SNRNP70: variants seen among roughly 807,000 people sequenced by gnomAD.
The protein encoded by SNRNP70 is U1 small nuclear ribonucleoprotein 70 kDa.
Under a neutral mutation model 50.5 loss-of-function variants are expected in SNRNP70, and 8 were observed. That is an observed-to-expected ratio of 0.16 (90% CI 0.09 to 0.29). SNRNP70 has a LOEUF of 0.29. Ranked by LOEUF, SNRNP70 falls within the 10% of genes least tolerant of loss-of-function variation. The pLI, the probability that SNRNP70 is intolerant of heterozygous loss-of-function variation, is 1.00. For synonymous variants in SNRNP70, 320 were observed against 252.9 expected, an observed-to-expected ratio of 1.27 and a Z score of -2.52; for missense variants, 529 against 663.5, an observed-to-expected ratio of 0.80 and a Z score of 2.23.
chr19:49,105,364 T>C (rs1302307043), intron 8 of SNRNP70, among the ~76,000 whole-genome samples: 1 of 152,094 alleles, frequency 6.6e-6, no homozygotes, highest in African/African-American at 2.4e-5. Flanking sequence ...TGTAGAATCA[T>C]GGGCATCCTT....
At position 49,098,418 on chromosome 19, in the gene SNRNP70, C is replaced by G; in HGVS notation, c.266-9C>G. ...CTTCAACTTATAAAATTCCTTTCTT[C>G]CTGCACAGGGGACCCTCACAATGAT... On this transcript the variant is annotated splice_polypyrimidine_tract_variant and intron_variant, in intron 4 of 9. Coordinates refer to ENST00000598441, the MANE Select transcript of SNRNP70 (RefSeq NM_003089.6). 6.2e-7 allele frequency: 1 copy of G among 1,608,470 alleles called. No individual in the cohort carries two copies. Among genetic ancestry groups the G allele is most frequent in the Non-Finnish European group, 8.5e-7 (1 of 1,177,138 alleles).
chr19:49,105,771 T>C (rs1385459051), intron 8 of SNRNP70, among the ~76,000 whole-genome samples: 4 of 150,986 alleles, frequency 2.6e-5, no homozygotes, highest in African/African-American at 9.7e-5. Context: ...GCGACCCACC[T>C]GTGATGTGTG....
In SNRNP70 at chr19:49,107,732, G is replaced by A; in HGVS notation, c.665+20G>A. On this transcript the variant is annotated intron_variant, in intron 9 of 9. Coordinates refer to ENST00000598441, the MANE Select transcript of SNRNP70 (RefSeq NM_003089.6). This position sits in a 1 kb window ranked among gnomAD's most constrained non-coding sequence, Gnocchi z 6.0. ...TGAGAGGTAAGATTGGGCGACCGGT[G>A]TCCTGGGGTGGGGGGCGGTCACGGG... 6.2e-7 allele frequency: 1 copy of A among 1,613,810 alleles called. No homozygotes were observed. Among genetic ancestry groups the A allele is most frequent in the Non-Finnish European group, 8.5e-7 (1 of 1,179,940 alleles).
chr19:49,102,425 C>T (rs918576759), intron 7 of SNRNP70: 19 of 281,274 alleles, frequency 6.8e-5, no homozygotes, highest in Non-Finnish European at 8.8e-5. Flanking sequence ...GCGGCCTCTC[C>T]GCTTGGGTTC....
Position 49,107,999 on chromosome 19 carries a change from GC to G in SNRNP70, c.871del (p.Arg291GlufsTer141). 1 of 1,547,876 alleles carries G rather than the reference GC, an allele frequency of 6.5e-7. No homozygotes were observed. Among genetic ancestry groups the G allele is most frequent in the East Asian group, 2.4e-5 (1 of 40,964 alleles). ...AGGACAAGGACCGGGACCGGAAGCG[GC>G]GAAGCAGCCGGAGTCGGGAGCGGGC... ...SKDKDRDRKR[R>X]SSRSRERARR... On this transcript the variant is annotated frameshift_variant, in exon 10 of 10. Transcript: ENST00000598441. LOFTEE classifies it high-confidence loss of function. The surrounding 1 kb of genome is among the most constrained non-coding windows in gnomAD (Gnocchi z 6.0).
intron 4 of SNRNP70, among the ~76,000 whole-genome samples, chr19:49,091,394 G>A (rs1386243874): frequency 1.3e-5 from 2 of 151,728 alleles, no homozygotes; most frequent in Non-Finnish European, 2.9e-5. Flanking sequence ...AGATTATACC[G>A]TCTATTTACT....
At chr19:49,100,979 G>A (rs191421245) in intron 6 of SNRNP70, among the ~76,000 whole-genome samples, 1 of 152,220 alleles carries the variant, frequency 6.6e-6, no homozygotes, top group Admixed American at 6.5e-5. Context: ...CTGGCATTGG[G>A]GCGCTTGATG....
chr19:49,090,247 TC>T (rs769844468), intron 2 of SNRNP70, 43 bp from the exon 3 acceptor site: 3 of 1,563,100 alleles, frequency 1.9e-6, no homozygotes, highest in African/African-American at 2.7e-5. Context: ...CCTTGCCATT[TC>T]CCCCAGTCCT....
chr19:49,098,816 G>C, intron 6 of SNRNP70, 112 bp downstream of exon 6: 1 of 867,836 alleles, frequency 1.2e-6, no homozygotes. Flanking sequence ...CCATTTCAGG[G>C]CCTGGATTTA....
At chr19:49,093,771 A>T (rs2040480090) in intron 4 of SNRNP70, among the ~76,000 whole-genome samples, 1 of 148,836 alleles carries the variant, frequency 6.7e-6, no homozygotes, top group African/African-American at 2.5e-5. Context: ...AGGCAGGCAG[A>T]TCACATGAGG....
rs1410010087 is a variant in SNRNP70, at chr19:49,107,291, T to G, written c.578-334T>G. Reference sequence around the variant, plus strand: ...ATCACATTTTTGGGTGGAAAGATCATTGGCTTCGGGTTTCTGTGAGGGCGA... The same window carrying G: ...ATCACATTTTTGGGTGGAAAGATCAGTGGCTTCGGGTTTCTGTGAGGGCGA... On this transcript the variant is annotated intron_variant, in intron 8 of 9. Transcript: ENST00000598441. The surrounding 1 kb of genome is among the most constrained non-coding windows in gnomAD (Gnocchi z 6.0). Among the ~76,000 whole-genome samples the G allele has an allele frequency of 6.6e-6, 1 of 152,178 alleles. No homozygotes were observed. The highest frequency in any genetic ancestry group is 1.9e-4 in the East Asian group (1 of 5,194).
intron 4 of SNRNP70, among the ~76,000 whole-genome samples, chr19:49,091,116 A>G (rs888262535): frequency 1.3e-5 from 2 of 152,108 alleles, no homozygotes; most frequent in African/African-American, 4.8e-5. Context: ...TCACGCTGTA[A>G]TCCCAGTACT....
At chr19:49,091,580 A>G (rs2040447829) in intron 4 of SNRNP70, among the ~76,000 whole-genome samples, 1 of 152,098 alleles carries the variant, frequency 6.6e-6, no homozygotes, top group Non-Finnish European at 1.5e-5. Flanking sequence ...TCATGTTGGC[A>G]TATCGACATC....
Position 49,090,459 on chromosome 19 carries a change from C to T in SNRNP70, c.211-7C>T, listed in dbSNP as rs2040434054. ...TTCACTTCTCCACCTCCCCTTTCTCCTGACAGAGACGGGAAAAGATTGAGC... is the reference window on the plus strand; with the variant it reads ...TTCACTTCTCCACCTCCCCTTTCTCTTGACAGAGACGGGAAAAGATTGAGC... On this transcript the variant is annotated splice_polypyrimidine_tract_variant and splice_region_variant and intron_variant, in intron 3 of 9. Coordinates refer to ENST00000598441, the MANE Select transcript of SNRNP70 (RefSeq NM_003089.6). The T allele has an allele frequency of 6.2e-7, 1 of 1,614,066 alleles. No homozygotes were observed.
At chr19:49,086,164 C>T (rs1001870268) in intron 1 of SNRNP70, among the ~76,000 whole-genome samples, 5 of 152,186 alleles carry the variant, frequency 3.3e-5, no homozygotes, top group South Asian at 2.1e-4. Context: ...GACTCTGAGA[C>T]TTCACTCTTC....
chr19:49,100,806 CAA>C (rs61621289), intron 6 of SNRNP70, among the ~76,000 whole-genome samples: 48,743 of 112,232 alleles, frequency 0.43, 9,251 homozygotes, highest in Non-Finnish European at 0.49. Context: ...ACTCTGTCTC[CAA>C]AAAAAAAAAA....
In SNRNP70 at chr19:49,085,533, A is replaced by G. The variant is rs550686001; in HGVS notation, c.-114A>G. On this transcript the variant is annotated 5_prime_UTR_variant, in exon 1 of 10. Coordinates refer to ENST00000598441, the MANE Select transcript of SNRNP70 (RefSeq NM_003089.6). ...GGGCGACGGAATCAGACGGACGTGG[A>G]CGCCCCCGGAGTGGAAGCCGAAGCA... The G allele has an allele frequency of 2.9e-5, 13 of 455,714 alleles. No homozygotes were observed. Among genetic ancestry groups the G allele is most frequent in the South Asian group, 1.9e-4 (12 of 64,518 alleles). The allele number at this position is 455,714 out of a possible 1,614,324, so 28.2% of individuals were successfully genotyped here. A position where few individuals can be genotyped will look rare whatever the true frequency, so the allele number is the denominator to read the frequency against.
In SNRNP70 at chr19:49,107,817, C is replaced by CACAGGG. The variant is rs749307939; in HGVS notation, c.691_696dup (p.Asp236_Arg237dup). On this transcript the variant is annotated inframe_insertion, in exon 10 of 10. Coordinates refer to ENST00000598441, the MANE Select transcript of SNRNP70 (RefSeq NM_003089.6). The surrounding 1 kb of genome is among the most constrained non-coding windows in gnomAD (Gnocchi z 6.0). The stretch of plus-strand genomic sequence containing the variant: ...CAGGCCCGGCCCCTCCCCGCTTCCG[C>CACAGGG]ACAGGGACCGGGACCGGGACCGTGA... 3.8e-6 allele frequency: 6 copies of CACAGGG among 1,598,136 alleles called. No homozygotes were observed. Among genetic ancestry groups the CACAGGG allele is most frequent in the South Asian group, 2.2e-5 (2 of 89,226 alleles).
Position 49,107,888 on chromosome 19 carries a change from ACGGCGACGCTCCCGCTCCCGGGAC to A in SNRNP70, c.765_788del (p.Ser257_Arg264del). The A allele has an allele frequency of 1.3e-6, 2 of 1,548,556 alleles. No individual in the cohort carries two copies. The highest frequency in any genetic ancestry group is 1.7e-6 in the Non-Finnish European group (2 of 1,147,296). On this transcript the variant is annotated inframe_deletion, in exon 10 of 10. Transcript: ENST00000598441. The surrounding 1 kb of genome is among the most constrained non-coding windows in gnomAD (Gnocchi z 6.0). The stretch of plus-strand genomic sequence containing the variant: ...GCCGGGAGCGAGACAAGGAGCGAGA[ACGGCGACGCTCCCGCTCCCGGGAC>A]CGGCGGAGGCGCTCACGGAGTCGCG...
Sources: gnomAD v4.1 joint callset for allele counts (sites outside exome capture counted in the v4.1 genomes callset) on GRCh38, gnomAD v4.1.1 for gene constraint, Gnocchi (gnomAD v3.1) non-coding constraint, MANE v1.5 for transcripts, NCBI Gene and HGNC (gene_info 2026-07-23, HGNC 2026-07-21) for gene names.